The following IL7 variants were observed in gnomAD, a reference collection of about 807,000 sequenced individuals.
IL7 encodes interleukin-7.
Under a neutral mutation model 21.6 loss-of-function variants are expected in IL7, and 3 were observed. The ratio of observed to expected loss-of-function variants is 0.14; its 90% CI spans 0.06 to 0.36. The LOEUF (loss-of-function observed/expected upper bound fraction) is 0.36. Ranked by LOEUF, IL7 falls within the 10% of genes least tolerant of loss-of-function variation. The probability of loss-of-function intolerance (pLI) is 1.00; values close to 1 mark genes in which losing one functional copy is unlikely to be tolerated. For missense variants in IL7, 175 were observed against 200.2 expected, an observed-to-expected ratio of 0.87 and a Z score of 0.76; for synonymous variants, 62 against 68.1, an observed-to-expected ratio of 0.91 and a Z score of 0.44.
intron 3 of IL7, among the ~76,000 whole-genome samples, chr8:78,704,120 G>A (rs547634177): frequency 3.3e-5 from 5 of 152,180 alleles, no homozygotes; most frequent in African/African-American, 9.6e-5. Flanking sequence ...GGTGGCTCAC[G>A]CCTGTAATCC....
intron 1 of IL7, among the ~76,000 whole-genome samples, chr8:78,802,123 G>A (rs974956077): frequency 2.0e-5 from 3 of 152,144 alleles, no homozygotes. Flanking sequence ...ACCAGAAGGA[G>A]GTCTGTCTAA....
intron 3 of IL7, among the ~76,000 whole-genome samples, chr8:78,704,591 C>T (rs1297406679): frequency 6.6e-6 from 1 of 152,056 alleles, no homozygotes; most frequent in Non-Finnish European, 1.5e-5. Flanking sequence ...ATGATCATCT[C>T]ATGAGTATCT....
At chr8:78,692,214 T>A (rs1332339084) in intron 3 of IL7, among the ~76,000 whole-genome samples, 1 of 152,178 alleles carries the variant, frequency 6.6e-6, no homozygotes. Flanking sequence ...CCCTTTAGCC[T>A]CTGGTACTAC....
intron 1 of IL7, among the ~76,000 whole-genome samples, chr8:78,803,750 C>A (rs962349757): frequency 2.6e-5 from 4 of 152,122 alleles, no homozygotes; most frequent in African/African-American, 9.7e-5. Flanking sequence ...GGGTTGTGCT[C>A]AATTTTTAGT....
At chr8:78,726,589 C>T (rs1332012899) in intron 3 of IL7, among the ~76,000 whole-genome samples, 2 of 152,000 alleles carry the variant, frequency 1.3e-5, no homozygotes, top group African/African-American at 4.8e-5. Flanking sequence ...AAATAATTGT[C>T]TCCCATTCCT....
At chr8:78,717,147 A>T (rs889800303), downstream of IL7, among the ~76,000 whole-genome samples, 3 of 150,546 alleles carry the variant, frequency 2.0e-5, no homozygotes, top group African/African-American at 7.4e-5. Flanking sequence ...ATATAATGTT[A>T]AAAAAAAATG....
intron 2 of IL7, among the ~76,000 whole-genome samples, chr8:78,783,920 C>A (rs1813424858): frequency 6.6e-6 from 1 of 152,132 alleles, no homozygotes; most frequent in African/African-American, 2.4e-5. Flanking sequence ...ACTCTAAACA[C>A]CACCTGGTTA....
In IL7 at chr8:78,764,274, T is replaced by TA. The variant is rs887410090; in HGVS notation, c.148-24193dup. 1.3e-4 allele frequency among the ~76,000 whole-genome samples: 20 copies of TA among 150,572 alleles called. No homozygotes were observed. In the East Asian group the frequency reaches 1.4e-3, roughly 10 times the overall value. ...AAGAAATTTGTAGGTTTCCTGATAA[T>TA]AAAAAAAAAGCTATCTCCCTTCACT... On this transcript the variant is annotated intron_variant, in intron 2 of 5. Coordinates refer to ENST00000263851, the MANE Select transcript of IL7 (RefSeq NM_000880.4).
At chr8:78,782,662 G>T in intron 2 of IL7, among the ~76,000 whole-genome samples, 1 of 152,050 alleles carries the variant, frequency 6.6e-6, no homozygotes, top group African/African-American at 2.4e-5. Flanking sequence ...GGTATCTGGT[G>T]ACCCCTGTTG....
chr8:78,762,536 C>T (rs1027021682), intron 2 of IL7: 5 of 612,460 alleles, frequency 8.2e-6, no homozygotes, highest in South Asian at 7.2e-5. Context: ...CCGGCCGGCT[C>T]GGCAGGGCCG....
intron 3 of IL7, among the ~76,000 whole-genome samples, chr8:78,690,559 CA>C (rs36016408): frequency 0.17 from 15,543 of 92,442 alleles, 950 homozygotes; most frequent in African/African-American, 0.29. Flanking sequence ...GAGACTGTCT[CA>C]AAAAAAAAAA....
At chr8:78,730,731 G>A (rs925374448), downstream of IL7, among the ~76,000 whole-genome samples, 2 of 151,892 alleles carry the variant, frequency 1.3e-5, no homozygotes, top group African/African-American at 4.8e-5. Flanking sequence ...CTGAAAGGAA[G>A]ACAAAGATCA....
intron 3 of IL7, among the ~76,000 whole-genome samples, chr8:78,694,727 T>G (rs1810342396): frequency 6.6e-6 from 1 of 152,222 alleles, no homozygotes; most frequent in Non-Finnish European, 1.5e-5. Context: ...TTCTTTAGAC[T>G]TTTTCCAATT....
At chr8:78,678,911 T>C (rs1287287434) in intron 4 of IL7, 4 of 261,682 alleles carry the variant, frequency 1.5e-5, no homozygotes, top group Non-Finnish European at 2.8e-5. Context: ...ACCAAGGTGC[T>C]GTTTCAAACT....
chr8:78,711,845 C>A, intron 3 of IL7: 1 of 409,452 alleles, frequency 2.4e-6, no homozygotes, highest in South Asian at 2.1e-5. Context: ...TTCTTTTGGA[C>A]ATTAGTTCTT....
downstream of IL7, chr8:78,717,880 T>G (rs2130623373): frequency 6.4e-6 from 1 of 156,902 alleles, no homozygotes; most frequent in Admixed American, 6.2e-5. Flanking sequence ...GAGCAAAAAA[T>G]TTGGATAAAC....
chr8:78,751,210 T>C (rs1812160296), intron 2 of IL7, among the ~76,000 whole-genome samples: 1 of 149,798 alleles, frequency 6.7e-6, no homozygotes. Context: ...AAAAGAAAAA[T>C]CAAGGGATGA....
intron 5 of IL7, chr8:78,719,803 TAGAA>T (rs923072840): frequency 2.0e-5 from 3 of 151,772 alleles, no homozygotes; most frequent in Non-Finnish European, 3.0e-5. Flanking sequence ...TAGCCATACA[TAGAA>T]AGATAGGAAC....
intron 5 of IL7, among the ~76,000 whole-genome samples, chr8:78,734,584 T>G (rs1169096327): frequency 6.6e-6 from 1 of 152,178 alleles, no homozygotes; most frequent in Non-Finnish European, 1.5e-5. Context: ...TATCAGTTGT[T>G]TGTTTTACAC....
Sources: allele counts gnomAD v4.1 joint callset (sites outside exome capture counted in the v4.1 genomes callset), GRCh38; gene constraint gnomAD v4.1.1; transcripts MANE v1.5; gene names NCBI Gene and HGNC (gene_info 2026-07-23, HGNC 2026-07-21).